SLC39A10: variants seen among roughly 807,000 people sequenced by gnomAD.
The protein encoded by SLC39A10 is zinc transporter ZIP10.
A neutral mutation model predicts 65.1 loss-of-function variants in SLC39A10; 13 were observed. The observed-to-expected ratio is 0.20, with a 90% CI of 0.13 to 0.32. The LOEUF is 0.32. SLC39A10 is among the 10% of genes least tolerant of loss of function. SLC39A10 has a pLI of 1.00. For missense variants in SLC39A10, 831 were observed against 1,018.4 expected, an observed-to-expected ratio of 0.82 and a Z score of 2.50; for synonymous variants, 321 against 342.2, an observed-to-expected ratio of 0.94 and a Z score of 0.68.
In SLC39A10 at chr2:195,708,684, A is replaced by C. The variant is rs769864496; in HGVS notation, c.1415A>C (p.Gln472Pro). Residue 472 changes from glutamine (Q) to proline (P), a missense_variant, in exon 5 of 10, where the codon CAA becomes CCA. Around this residue, in one of 4 missense-constraint regions of SLC39A10, gnomAD observed 230 missense variants for 242.9 expected, o/e 0.95. Coordinates refer to ENST00000359634, the MANE Select transcript of SLC39A10 (RefSeq NM_020342.3). ...HSQGGHDHSH[Q>P]HAHGHGHSHG... Reference sequence around the variant, plus strand: ...CAGGGTGGACATGATCACAGTCACCAACATGCACATGGGCATGGACATTCT... The same window carrying C: ...CAGGGTGGACATGATCACAGTCACCCACATGCACATGGGCATGGACATTCT... 10 of 1,608,400 alleles carry C rather than the reference A, an allele frequency of 6.2e-6. No individual in the cohort carries two copies. Among genetic ancestry groups the C allele is most frequent in the Non-Finnish European group, 8.5e-6 (10 of 1,177,742 alleles).
chr2:195,642,884 G>A (rs1418711277), intron 2 of SLC39A10, among the ~76,000 whole-genome samples: 1 of 152,168 alleles, frequency 6.6e-6, no homozygotes, highest in Non-Finnish European at 1.5e-5. Context: ...AGCCCTTGAA[G>A]CAGCTAGGAA....
At chr2:195,638,082 A>G (rs572816700) in intron 2 of SLC39A10, among the ~76,000 whole-genome samples, 6 of 152,332 alleles carry the variant, frequency 3.9e-5, no homozygotes, top group African/African-American at 1.2e-4. Flanking sequence ...ACAGTACAGG[A>G]TGAAGACTGT....
At chr2:195,688,619 A>G (rs999961385) in intron 3 of SLC39A10, among the ~76,000 whole-genome samples, 21 of 152,194 alleles carry the variant, frequency 1.4e-4, no homozygotes, top group African/African-American at 5.1e-4. Context: ...GAATAGTAGT[A>G]GGACTGTTTT....
chr2:195,626,545 A>C (rs1445962385), intron 2 of SLC39A10, among the ~76,000 whole-genome samples: 2 of 152,200 alleles, frequency 1.3e-5, no homozygotes, highest in Non-Finnish European at 2.9e-5. Context: ...AAATAATACA[A>C]GTACTTTTTT....
intron 2 of SLC39A10, among the ~76,000 whole-genome samples, chr2:195,619,991 T>C (rs1349117690): frequency 6.6e-6 from 1 of 152,148 alleles, no homozygotes; most frequent in Non-Finnish European, 1.5e-5. Context: ...GGCACGATCT[T>C]GACTCACTGA....
At chr2:195,635,690 T>G (rs1180418653) in intron 2 of SLC39A10, among the ~76,000 whole-genome samples, 1 of 130,620 alleles carries the variant, frequency 7.7e-6, no homozygotes, top group African/African-American at 2.9e-5. Flanking sequence ...GATTGCTTTT[T>G]TTGTGGAACC....
intron 2 of SLC39A10, among the ~76,000 whole-genome samples, chr2:195,635,259 A>G (rs1346171026): frequency 6.6e-6 from 1 of 152,230 alleles, no homozygotes; most frequent in Non-Finnish European, 1.5e-5. Flanking sequence ...TTGTTAAAAG[A>G]AGAACCTTTC....
intron 1 of SLC39A10, among the ~76,000 whole-genome samples, chr2:195,674,380 C>T (rs1472273257): frequency 1.3e-5 from 2 of 152,034 alleles, no homozygotes; most frequent in South Asian, 2.1e-4. Context: ...TGAGTCCAAG[C>T]GATTCTCCTG....
chr2:195,657,560 G>A (rs1689199424), intron 1 of SLC39A10: 2 of 983,702 alleles, frequency 2.0e-6, no homozygotes, highest in Admixed American at 6.1e-5. Flanking sequence ...GGAGCCGGCG[G>A]CATCCACTTC....
intron 2 of SLC39A10, among the ~76,000 whole-genome samples, chr2:195,631,889 T>C (rs1248549826): frequency 6.6e-6 from 1 of 152,072 alleles, no homozygotes; most frequent in Non-Finnish European, 1.5e-5. Context: ...TATTTTATTA[T>C]TAATTTATTT....
intron 2 of SLC39A10, among the ~76,000 whole-genome samples, chr2:195,645,566 T>G (rs1559013652): frequency 6.6e-6 from 1 of 152,210 alleles, no homozygotes; most frequent in East Asian, 1.9e-4. Flanking sequence ...CGCTACCAAT[T>G]AAACATTAAC....
intron 8 of SLC39A10, among the ~76,000 whole-genome samples, chr2:195,722,375 G>C (rs550511102): frequency 2.0e-5 from 3 of 152,222 alleles, no homozygotes; most frequent in African/African-American, 7.2e-5. Context: ...TCTTCTGGAG[G>C]TGACAGAAAG....
intron 2 of SLC39A10, among the ~76,000 whole-genome samples, chr2:195,630,476 A>G (rs73987220): frequency 0.013 from 1,942 of 152,286 alleles, 47 homozygotes; most frequent in African/African-American, 0.044. Flanking sequence ...GAGAAGCTTC[A>G]GGACATCAGC....
At chr2:195,638,394 C>T (rs2099780596) in intron 2 of SLC39A10, among the ~76,000 whole-genome samples, 2 of 152,242 alleles carry the variant, frequency 1.3e-5, no homozygotes, top group Admixed American at 1.3e-4. Context: ...GGCTGGAGTG[C>T]AGTGATGCAA....
chr2:195,635,442 C>T (rs890079847), intron 2 of SLC39A10, among the ~76,000 whole-genome samples: 1 of 152,168 alleles, frequency 6.6e-6, no homozygotes, highest in Non-Finnish European at 1.5e-5. Flanking sequence ...CCTAATAATG[C>T]TAAGATATTA....
At chr2:195,698,941 T>C (rs1559039607) in intron 3 of SLC39A10, among the ~76,000 whole-genome samples, 1 of 151,910 alleles carries the variant, frequency 6.6e-6, no homozygotes, top group Non-Finnish European at 1.5e-5. Flanking sequence ...GGACTTTGTT[T>C]TGTTGGAAGA....
chr2:195,671,183 A>G (rs1233939748), intron 1 of SLC39A10, among the ~76,000 whole-genome samples: 1 of 152,190 alleles, frequency 6.6e-6, no homozygotes, highest in Non-Finnish European at 1.5e-5. Flanking sequence ...TTTTCTTTGC[A>G]TCCAAAGCAA....
At chr2:195,653,372 C>A (rs1455114055), upstream of SLC39A10, among the ~76,000 whole-genome samples, 2 of 150,576 alleles carry the variant, frequency 1.3e-5, no homozygotes, top group Non-Finnish European at 2.9e-5. Context: ...CAACTCACTG[C>A]AACCTCTGCC....
chr2:195,718,372 C>CT (rs1691897615), intron 8 of SLC39A10, 40 bp downstream of exon 8: 2 of 1,445,736 alleles, frequency 1.4e-6, no homozygotes. Flanking sequence ...TTCATCAAAT[C>CT]TAAGACTTCC....
Sources: gnomAD v4.1 joint callset for allele counts (sites outside exome capture counted in the v4.1 genomes callset) on GRCh38, gnomAD v4.1.1 for gene constraint, gnomAD v4.1.1 regional missense constraint, MANE v1.5 for transcripts, NCBI Gene and HGNC (gene_info 2026-07-23, HGNC 2026-07-21) for gene names.